MSRA: variants seen among roughly 807,000 people sequenced by gnomAD.
MSRA encodes mitochondrial peptide methionine sulfoxide reductase.
In MSRA, 54 loss-of-function variants were observed where a neutral mutation model predicts 31.3. The observed-to-expected ratio is 1.73, with a 90% CI of 1.39 to 2.17. The LOEUF (loss-of-function observed/expected upper bound fraction) is 2.17, where lower values mean the gene tolerates loss of function less well. Among genes scored for constraint, MSRA ranks in the 30% most tolerant of loss-of-function variants. The pLI is 0.00. For synonymous variants in MSRA, 169 were observed against 116.5 expected (o/e 1.45, Z -2.90); for missense variants, 507 against 300.9 (o/e 1.69, Z -5.07).
intron 3 of MSRA, among the ~76,000 whole-genome samples, chr8:10,257,822 G>A (rs1045778871): frequency 4.6e-5 from 7 of 152,166 alleles, no homozygotes; most frequent in African/African-American, 1.4e-4. Context: ...TACCTAGGAT[G>A]TAATTCTATT....
At chr8:10,378,772 G>A (rs1017443635) in intron 5 of MSRA, among the ~76,000 whole-genome samples, 1 of 152,242 alleles carries the variant, frequency 6.6e-6, no homozygotes, top group Admixed American at 6.5e-5. Flanking sequence ...CCCTGGGGGT[G>A]AGGCCCAGTA....
chr8:10,388,671 G>T (rs1806544596), intron 5 of MSRA, among the ~76,000 whole-genome samples: 1 of 152,086 alleles, frequency 6.6e-6, no homozygotes, highest in Admixed American at 6.5e-5. Flanking sequence ...AACACACACA[G>T]TCCAACCCCT....
At chr8:10,273,790 C>T (rs1799169262) in intron 3 of MSRA, among the ~76,000 whole-genome samples, 2 of 151,934 alleles carry the variant, frequency 1.3e-5, no homozygotes, top group Non-Finnish European at 2.9e-5. Context: ...TTTCAGGCAA[C>T]ACAAACTATT....
chr8:10,067,446 G>A (rs1797512556), intron 1 of MSRA, among the ~76,000 whole-genome samples: 1 of 152,170 alleles, frequency 6.6e-6, no homozygotes, highest in Non-Finnish European at 1.5e-5. Flanking sequence ...TCACTTACAT[G>A]GGGATCTATA....
intron 1 of MSRA, among the ~76,000 whole-genome samples, chr8:10,074,023 T>C (rs2128919641): frequency 6.8e-6 from 1 of 146,408 alleles, no homozygotes; most frequent in East Asian, 2.1e-4. Context: ...ACTTTTTAGT[T>C]ACATAGTTCC....
intron 1 of MSRA, among the ~76,000 whole-genome samples, chr8:10,102,982 T>TA (rs903679310): frequency 1.3e-5 from 2 of 152,190 alleles, no homozygotes; most frequent in Non-Finnish European, 2.9e-5. Context: ...TAATGATAGT[T>TA]ACATTCTCAA....
intron 1 of MSRA, among the ~76,000 whole-genome samples, chr8:10,148,603 C>A (rs1263407193): frequency 6.6e-6 from 1 of 151,130 alleles, no homozygotes. Context: ...ACTGAGATCG[C>A]ACCATTGCAC....
chr8:10,351,186 C>G (rs1804117506), intron 5 of MSRA, among the ~76,000 whole-genome samples: 1 of 148,396 alleles, frequency 6.7e-6, no homozygotes, highest in African/African-American at 2.5e-5. Flanking sequence ...GAAAATTCAT[C>G]TCTTTCCCTC....
chr8:10,231,740 T>A (rs1166587439), intron 2 of MSRA, among the ~76,000 whole-genome samples: 1 of 151,866 alleles, frequency 6.6e-6, no homozygotes, highest in African/African-American at 2.4e-5. Flanking sequence ...CCGTCTCTAC[T>A]CAGAATACAA....
intron 5 of MSRA, among the ~76,000 whole-genome samples, chr8:10,348,814 T>C (rs1803951702): frequency 6.6e-6 from 1 of 152,198 alleles, no homozygotes; most frequent in Admixed American, 6.5e-5. Flanking sequence ...ATCTGGGATC[T>C]GCAGGGTCTT....
intron 3 of MSRA, among the ~76,000 whole-genome samples, chr8:10,300,148 G>GTGTGTGTGTGTT (rs1283206786): frequency 6.6e-6 from 1 of 152,024 alleles, no homozygotes; most frequent in African/African-American, 2.4e-5. Context: ...GTGTGTGTGT[G>GTGTGTGTGTGTT]TGCACGCGTG....
intron 5 of MSRA, among the ~76,000 whole-genome samples, chr8:10,345,637 C>G (rs1333443708): frequency 6.6e-6 from 1 of 152,086 alleles, no homozygotes; most frequent in Non-Finnish European, 1.5e-5. Flanking sequence ...ATGTATTTTC[C>G]AAAAACTTAT....
At chr8:10,209,028 G>T (rs969239504) in intron 2 of MSRA, among the ~76,000 whole-genome samples, 3 of 152,214 alleles carry the variant, frequency 2.0e-5, no homozygotes, top group South Asian at 2.1e-4. Context: ...CAGGGACCCA[G>T]TTCCACCTCA....
At chr8:10,075,108 C>A (rs188159737) in intron 1 of MSRA, among the ~76,000 whole-genome samples, 2 of 152,084 alleles carry the variant, frequency 1.3e-5, no homozygotes, top group African/African-American at 4.8e-5. Flanking sequence ...CATATATTGT[C>A]TTTTTATTTA....
intron 1 of MSRA, among the ~76,000 whole-genome samples, chr8:10,113,592 T>C (rs182735277): frequency 1.3e-5 from 2 of 151,678 alleles, no homozygotes; most frequent in African/African-American, 4.8e-5. Context: ...ATAAAGTAGG[T>C]AATAAAATGG....
chr8:10,282,195 C>T (rs1222938157), intron 3 of MSRA, among the ~76,000 whole-genome samples: 1 of 152,170 alleles, frequency 6.6e-6, no homozygotes, highest in Non-Finnish European at 1.5e-5. Flanking sequence ...TAAACATTCT[C>T]CTCTCACCAG....
At chr8:10,408,533 G>A (rs146427855) in intron 5 of MSRA, among the ~76,000 whole-genome samples, 239 of 152,124 alleles carry the variant, frequency 1.6e-3, no homozygotes, top group African/African-American at 5.0e-3. Flanking sequence ...GAGCAACACC[G>A]TATTTCTAAA....
intron 1 of MSRA, among the ~76,000 whole-genome samples, chr8:10,116,281 G>C (rs1463336634): frequency 2.6e-5 from 4 of 152,190 alleles, no homozygotes; most frequent in Non-Finnish European, 2.9e-5. Context: ...AAGCTCATTA[G>C]CTATCGTTAG....
chr8:10,309,380 G>T (rs1178021101), intron 4 of MSRA, among the ~76,000 whole-genome samples: 1 of 152,208 alleles, frequency 6.6e-6, no homozygotes, highest in African/African-American at 2.4e-5. Flanking sequence ...TAGCTGTCGT[G>T]CTCATGCCGC....
Sources: allele counts gnomAD v4.1 joint callset (sites outside exome capture counted in the v4.1 genomes callset), GRCh38; gene constraint gnomAD v4.1.1; transcripts MANE v1.5; gene names NCBI Gene and HGNC (gene_info 2026-07-23, HGNC 2026-07-21).